Variants in RPS6KA2 observed in about 807,000 individuals in gnomAD.
RPS6KA2 encodes ribosomal protein S6 kinase A2, also known as ribosomal protein S6 kinase alpha-2.
Under a neutral mutation model 91.8 loss-of-function variants are expected in RPS6KA2, and 42 were observed. The observed-to-expected ratio is 0.46, with a 90% CI of 0.36 to 0.59. RPS6KA2 has a LOEUF of 0.59. RPS6KA2 is among the 20% of genes least tolerant of loss of function. RPS6KA2 has a pLI of 0.00. For missense variants in RPS6KA2, 798 were observed against 978.5 expected (o/e 0.82, Z 2.46); for synonymous variants, 414 against 393.6 (o/e 1.05, Z -0.61).
At chr6:166,540,451 T>G (rs904947903) in intron 1 of RPS6KA2, among the ~76,000 whole-genome samples, 55 of 8,336 alleles carry the variant, frequency 6.6e-3, no homozygotes, top group African/African-American at 0.042. Flanking sequence ...AAACAGTGGT[T>G]TTTTTTTGTT....
intron 2 of RPS6KA2, among the ~76,000 whole-genome samples, chr6:166,651,020 C>T (rs953487351): frequency 1.3e-4 from 20 of 152,252 alleles, no homozygotes; most frequent in African/African-American, 4.8e-4. Context: ...AAGGACCTGC[C>T]CCGTGATGTG....
chr6:166,590,848 G>A (rs191493315), intron 1 of RPS6KA2, among the ~76,000 whole-genome samples: 2 of 152,206 alleles, frequency 1.3e-5, no homozygotes, highest in Non-Finnish European at 2.9e-5. Flanking sequence ...ATAAGGGAAC[G>A]GAAGAGATCA....
At chr6:166,529,632 A>G (rs1777683056) in intron 3 of RPS6KA2, among the ~76,000 whole-genome samples, 1 of 152,270 alleles carries the variant, frequency 6.6e-6, no homozygotes, top group African/African-American at 2.4e-5. Context: ...ACACTGAACT[A>G]AAAACTTGAG....
chr6:166,620,843 G>A (rs1786599788), intron 1 of RPS6KA2, among the ~76,000 whole-genome samples: 1 of 152,234 alleles, frequency 6.6e-6, no homozygotes, highest in South Asian at 2.1e-4. Flanking sequence ...GAAGGATTCA[G>A]TGGTTTGGCA....
intron 2 of RPS6KA2, among the ~76,000 whole-genome samples, chr6:166,694,359 GA>G (rs1789298130): frequency 6.6e-6 from 1 of 152,194 alleles, no homozygotes; most frequent in Admixed American, 6.5e-5. Flanking sequence ...ATATTGTTTA[GA>G]AGACTCTGTA....
chr6:166,524,541 A>G (rs758954409), intron 3 of RPS6KA2, among the ~76,000 whole-genome samples: 2 of 152,194 alleles, frequency 1.3e-5, no homozygotes, highest in Non-Finnish European at 2.9e-5. Context: ...ATTCTTTCTA[A>G]CCAGGTGGCA....
chr6:166,798,880 G>A (rs1442937116), intron 2 of RPS6KA2, among the ~76,000 whole-genome samples: 5 of 152,148 alleles, frequency 3.3e-5, no homozygotes, highest in East Asian at 1.9e-4. Flanking sequence ...CAGAGAGAGC[G>A]CCCCTGTGAA....
intron 10 of RPS6KA2, among the ~76,000 whole-genome samples, chr6:166,479,275 G>T (rs1045122619): frequency 2.7e-5 from 4 of 146,928 alleles, no homozygotes; most frequent in African/African-American, 1.1e-4. Context: ...GGGAAGGCAC[G>T]GGCCAGACTG....
At chr6:166,446,820 T>G (rs1422859966) in intron 14 of RPS6KA2, among the ~76,000 whole-genome samples, 3 of 152,208 alleles carry the variant, frequency 2.0e-5, no homozygotes, top group South Asian at 2.1e-4. Flanking sequence ...AAGCAGTGAT[T>G]GTTTCTGGGA....
chr6:166,740,537 G>C (rs1790780555), intron 2 of RPS6KA2, among the ~76,000 whole-genome samples: 1 of 152,156 alleles, frequency 6.6e-6, no homozygotes, highest in Non-Finnish European at 1.5e-5. Flanking sequence ...CAGTCTTTAT[G>C]TTCTTAAGTG....
chr6:166,431,500 G>A lies in RPS6KA2; in HGVS notation c.1423-889C>T, dbSNP rs150052408. On this transcript the variant is annotated intron_variant, in intron 15 of 20. Coordinates refer to ENST00000265678, the MANE Select transcript of RPS6KA2 (RefSeq NM_021135.6). ...AGAGAGGCTAGGCAGAGTCCAGGGC[G>A]AAGTTACATATCAGAGCCGTGCTGT... Among the ~76,000 whole-genome samples, 642 of 152,360 alleles carry A rather than the reference G, an allele frequency of 4.2e-3. 2 individuals are homozygous for A. Among genetic ancestry groups the A allele is most frequent in the Middle Eastern group, 0.024 (7 of 294 alleles).
intron 2 of RPS6KA2, among the ~76,000 whole-genome samples, chr6:166,824,817 G>GTGTCTA (rs539141420): frequency 0.038 from 5,043 of 133,580 alleles, 139 homozygotes; most frequent in Non-Finnish European, 0.053. Flanking sequence ...ATGTGTGTCT[G>GTGTCTA]TGTGTGTCTG....
chr6:166,418,075 G>T lies in RPS6KA2; in HGVS notation c.1938+150C>A. On this transcript the variant is annotated intron_variant, in intron 19 of 20. Coordinates refer to ENST00000265678, the MANE Select transcript of RPS6KA2 (RefSeq NM_021135.6). The surrounding 1 kb of genome is among the most constrained non-coding windows in gnomAD (Gnocchi z 4.9). ...TGCACTCCAGCCTGGGTGAGACAGAGCGAGACTCCATTTCAAGAAAAAAAA... is the reference window on the plus strand; with the variant it reads ...TGCACTCCAGCCTGGGTGAGACAGATCGAGACTCCATTTCAAGAAAAAAAA... 1 of 622,076 alleles carries T rather than the reference G, an allele frequency of 1.6e-6. No individual in the cohort carries two copies. The highest frequency in any genetic ancestry group is 2.8e-6 in the Non-Finnish European group (1 of 351,616). 38.5% of individuals were successfully genotyped at this position (622,076 alleles called of 1,614,324 possible). A position where few individuals can be genotyped will look rare whatever the true frequency, so the allele number is the denominator to read the frequency against.
At chr6:166,686,531 T>C (rs575860576) in intron 2 of RPS6KA2, among the ~76,000 whole-genome samples, 3 of 152,216 alleles carry the variant, frequency 2.0e-5, no homozygotes, top group African/African-American at 7.2e-5. Context: ...TGGCTTCTGC[T>C]GACAGGCCCC....
At chr6:166,438,395 C>G (rs1398122008) in intron 14 of RPS6KA2, among the ~76,000 whole-genome samples, 1 of 152,272 alleles carries the variant, frequency 6.6e-6, no homozygotes. Flanking sequence ...GCCCGCGCTC[C>G]AGGCCTGCGT....
intron 2 of RPS6KA2, among the ~76,000 whole-genome samples, chr6:166,811,501 G>A (rs1039658940): frequency 1.3e-5 from 2 of 152,344 alleles, no homozygotes; most frequent in East Asian, 3.9e-4. Context: ...TTGTGTGCCT[G>A]TAGTCCTAGC....
At position 166,601,862 on chromosome 6, in the gene RPS6KA2, T is replaced by C. The variant is rs544899283; in HGVS notation, c.99+25059A>G. Reference sequence around the variant, plus strand: ...CTTCTTAATTAAGACACAGAAAGCATATAATGTAAAGAAAAGGATGAATCA... The same window carrying C: ...CTTCTTAATTAAGACACAGAAAGCACATAATGTAAAGAAAAGGATGAATCA... On this transcript the variant is annotated intron_variant, in intron 1 of 20. Transcript: ENST00000265678. Among the ~76,000 whole-genome samples, 6 of 152,210 alleles carry C rather than the reference T, an allele frequency of 3.9e-5. No homozygotes were observed. The East Asian group carries it at 9.6e-4, about 24-fold the overall frequency.
At chr6:166,534,119 G>A (rs1481417566) in intron 2 of RPS6KA2, among the ~76,000 whole-genome samples, 1 of 151,180 alleles carries the variant, frequency 6.6e-6, no homozygotes, top group Non-Finnish European at 1.5e-5. Context: ...CTACTCGAGA[G>A]GCTGAGGCAG....
chr6:166,426,491 CA>C (rs1183201137), intron 16 of RPS6KA2, among the ~76,000 whole-genome samples: 1 of 71,492 alleles, frequency 1.4e-5, no homozygotes, highest in Non-Finnish European at 2.7e-5. Flanking sequence ...AAAAGCCCTT[CA>C]AAAAATTAAT....
Sources: gnomAD v4.1 joint callset for allele counts (sites outside exome capture counted in the v4.1 genomes callset) on GRCh38, gnomAD v4.1.1 for gene constraint, Gnocchi (gnomAD v3.1) non-coding constraint, MANE v1.5 for transcripts, NCBI Gene and HGNC (gene_info 2026-07-23, HGNC 2026-07-21) for gene names.